Variants in GULP1 observed in about 807,000 individuals in gnomAD.
GULP1 encodes GULP PTB domain containing engulfment adaptor 1.
Under a neutral mutation model 40.9 loss-of-function variants are expected in GULP1, and 19 were observed. That is an observed-to-expected ratio of 0.46 (90% CI 0.32 to 0.68). The LOEUF is 0.68. Ranked by LOEUF, GULP1 falls within the 30% of genes least tolerant of loss-of-function variation. GULP1 has a pLI of 0.03. For synonymous variants in GULP1, 119 were observed against 117.6 expected (o/e 1.01, Z -0.08); for missense variants, 312 against 362.2 (o/e 0.86, Z 1.12).
chr2:188,551,644 G>A (rs1465942052), intron 7 of GULP1, among the ~76,000 whole-genome samples: 3 of 151,720 alleles, frequency 2.0e-5, no homozygotes, highest in African/African-American at 7.3e-5. Context: ...CTCAGTGCAG[G>A]AATCCCTTTG....
intron 2 of GULP1, among the ~76,000 whole-genome samples, chr2:188,395,910 G>A (rs1253360801): frequency 6.6e-6 from 1 of 152,172 alleles, no homozygotes; most frequent in African/African-American, 2.4e-5. Flanking sequence ...ATTATAAATA[G>A]CCTTAGTGTG....
At chr2:188,395,186 A>G (rs1417114457) in intron 2 of GULP1, among the ~76,000 whole-genome samples, 1 of 151,528 alleles carries the variant, frequency 6.6e-6, no homozygotes, top group Non-Finnish European at 1.5e-5. Context: ...AGGCACCTGA[A>G]CTCCCCTGTC....
At chr2:188,355,561 G>C (rs2045176729) in intron 1 of GULP1, among the ~76,000 whole-genome samples, 1 of 151,788 alleles carries the variant, frequency 6.6e-6, no homozygotes, top group Non-Finnish European at 1.5e-5. Flanking sequence ...AAAATTCTAG[G>C]ACCAGATGGC....
intron 4 of GULP1, among the ~76,000 whole-genome samples, chr2:188,502,762 A>G (rs1347451241): frequency 2.6e-5 from 4 of 151,996 alleles, no homozygotes; most frequent in Non-Finnish European, 4.4e-5. Context: ...TCTCTTAGTC[A>G]GTTAGTGCTG....
intron 4 of GULP1, among the ~76,000 whole-genome samples, chr2:188,519,083 T>G (rs1217867601): frequency 6.6e-6 from 1 of 152,124 alleles, no homozygotes; most frequent in Non-Finnish European, 1.5e-5. Flanking sequence ...AGGCATAAAC[T>G]TTTTTTAGTT....
chr2:188,489,477 CT>C (rs1283618868), intron 4 of GULP1, among the ~76,000 whole-genome samples: 1 of 151,870 alleles, frequency 6.6e-6, no homozygotes, highest in East Asian at 1.9e-4. Flanking sequence ...GTTACATGAC[CT>C]TTAAAAAACA....
chr2:188,588,098 A>G, intron 11 of GULP1, 149 bp downstream of exon 11: 1 of 675,710 alleles, frequency 1.5e-6, no homozygotes, highest in Non-Finnish European at 2.7e-6. Context: ...AATAATGTAC[A>G]GTTAGTCCTA....
intron 11 of GULP1, 170 bp downstream of exon 11, chr2:188,588,119 T>C: frequency 1.6e-6 from 1 of 639,418 alleles, no homozygotes; most frequent in East Asian, 2.8e-5. Context: ...AAAATACTCC[T>C]ACATATGCTA....
chr2:188,478,810 A>C (rs2061230755), intron 3 of GULP1, among the ~76,000 whole-genome samples: 1 of 152,134 alleles, frequency 6.6e-6, no homozygotes, highest in Non-Finnish European at 1.5e-5. Flanking sequence ...ATGGATAATG[A>C]ATAGTCCAGA....
At chr2:188,569,106 T>C in intron 7 of GULP1, 133 bp from the exon 8 acceptor site, 1 of 607,408 alleles carries the variant, frequency 1.6e-6, no homozygotes, top group East Asian at 2.9e-5. Context: ...ACATCTCTAC[T>C]CCCAACTGTT....
rs139739126 is a variant in GULP1, at chr2:188,494,577, G to A, written c.90+11085G>A. ...CGTCATCTGTCTCACACACAGACCCGTACAGTAGTGTCCACCCATCAGGTG... is the reference window on the plus strand; with the variant it reads ...CGTCATCTGTCTCACACACAGACCCATACAGTAGTGTCCACCCATCAGGTG... On this transcript the variant is annotated intron_variant, in intron 4 of 11. Transcript: ENST00000409830. 9.9e-5 allele frequency among the ~76,000 whole-genome samples: 15 copies of A among 152,068 alleles called. No homozygotes were observed. In the East Asian group the frequency reaches 1.9e-3, roughly 20 times the overall value.
intron 2 of GULP1, among the ~76,000 whole-genome samples, chr2:188,457,461 A>G (rs2152946537): frequency 6.6e-6 from 1 of 152,290 alleles, no homozygotes; most frequent in African/African-American, 2.4e-5. Context: ...GCCTGTTGCC[A>G]TCCACGTAGG....
intron 11 of GULP1, 141 bp from the exon 12 acceptor site, chr2:188,593,799 G>A (rs1704055756): frequency 3.4e-6 from 2 of 583,634 alleles, no homozygotes; most frequent in Admixed American, 2.9e-5. Context: ...TAAAAATTCA[G>A]CAAGTCAACA....
At chr2:188,489,536 T>G (rs1315606384) in intron 4 of GULP1, among the ~76,000 whole-genome samples, 2 of 152,036 alleles carry the variant, frequency 1.3e-5, no homozygotes, top group African/African-American at 4.8e-5. Context: ...ATATATATCA[T>G]TTATATTCAT....
intron 4 of GULP1, among the ~76,000 whole-genome samples, chr2:188,507,093 TC>T (rs1483816103): frequency 6.6e-6 from 1 of 151,978 alleles, no homozygotes; most frequent in Non-Finnish European, 1.5e-5. Flanking sequence ...TGGCAGGATT[TC>T]TATAGGCGTA....
intron 1 of GULP1, among the ~76,000 whole-genome samples, chr2:188,300,868 A>G (rs971971590): frequency 3.3e-5 from 5 of 152,162 alleles, no homozygotes; most frequent in East Asian, 1.9e-4. Flanking sequence ...AAAATTGACA[A>G]TACTGTCAAG....
intron 2 of GULP1, among the ~76,000 whole-genome samples, chr2:188,466,036 A>C (rs1363420660): frequency 6.6e-6 from 1 of 151,836 alleles, no homozygotes; most frequent in South Asian, 2.1e-4. Context: ...GACAATTGAG[A>C]GAGCCTTCTA....
intron 6 of GULP1, among the ~76,000 whole-genome samples, chr2:188,538,267 A>G (rs187337711): frequency 1.9e-4 from 29 of 151,980 alleles, no homozygotes; most frequent in African/African-American, 7.0e-4. Context: ...TCTAGGTGTG[A>G]TATTAGATTG....
chr2:188,370,593 A>G (rs571904667), intron 1 of GULP1, among the ~76,000 whole-genome samples: 12 of 152,294 alleles, frequency 7.9e-5, no homozygotes, highest in African/African-American at 2.9e-4. Flanking sequence ...TAAACCACTT[A>G]TACTGGGAAT....
Sources: allele counts gnomAD v4.1 joint callset (sites outside exome capture counted in the v4.1 genomes callset), GRCh38; gene constraint gnomAD v4.1.1; transcripts MANE v1.5; gene names NCBI Gene and HGNC (gene_info 2026-07-23, HGNC 2026-07-21).